The following NOP53 variants were observed in gnomAD, a reference collection of about 807,000 sequenced individuals.
NOP53 encodes the protein ribosome biogenesis protein NOP53.
A neutral mutation model predicts 61.0 loss-of-function variants in NOP53; 40 were observed. The observed-to-expected ratio is 0.66, with a 90% confidence interval of 0.51 to 0.85. The LOEUF is 0.85. NOP53 is among the 40% of genes least tolerant of loss of function. The probability of loss-of-function intolerance (pLI) is 0.00; values close to 1 mark genes in which losing one functional copy is unlikely to be tolerated. For missense variants in NOP53, 689 were observed against 652.9 expected, an observed-to-expected ratio of 1.06 and a Z score of -0.60; for synonymous variants, 308 against 289.5, an observed-to-expected ratio of 1.06 and a Z score of -0.65.
At chr19:47,752,770 G>C in intron 6 of NOP53, 163 bp downstream of exon 6, 1 of 583,192 alleles carries the variant, frequency 1.7e-6, no homozygotes, top group East Asian at 2.9e-5. Context: ...CCCAGACAGT[G>C]ATGGGCAGAG....
At position 47,751,451 on chromosome 19, in the gene NOP53, T is replaced by TG. The variant is rs1027837855; in HGVS notation, c.599-62dup. 8.3e-5 allele frequency: 101 copies of TG among 1,209,786 alleles called. 1 individual carries two copies. In the African/African-American group the frequency reaches 1.2e-3, roughly 14 times the overall value. The allele number at this position is 1,209,786 out of a possible 1,614,324, so 74.9% of individuals were successfully genotyped here. ...TCACCTTTTTGAAATGTGGAGGGATTGGGGGGGAGCCTTTGGTGCCTCTTC... is the reference window on the plus strand; with the variant it reads ...TCACCTTTTTGAAATGTGGAGGGATTGGGGGGGGAGCCTTTGGTGCCTCTTC... On this transcript the variant is annotated intron_variant, in intron 4 of 12. Transcript: ENST00000246802.
chr19:47,754,906 C>A lies in NOP53; in HGVS notation c.1053+15C>A. On this transcript the variant is annotated intron_variant, in intron 8 of 12. Coordinates refer to ENST00000246802, the MANE Select transcript of NOP53 (RefSeq NM_015710.5). The surrounding 1 kb of genome is among the most constrained non-coding windows in gnomAD (Gnocchi z 4.2). ...TGCACAGGCTGGTGAGCGCCTGGGC[C>A]AGCGGGGCCTGCCTCTGATGCCTCG... is the stretch of plus-strand genomic sequence containing the variant. 6.7e-7 allele frequency: 1 copy of A among 1,491,610 alleles called. No individual in the cohort carries two copies. The allele number at this position is 1,491,610 out of a possible 1,614,324, so 92.4% of individuals were successfully genotyped here.
chr19:47,755,934 G>T (rs1451395643), intron 10 of NOP53, 112 bp downstream of exon 10: 1 of 852,474 alleles, frequency 1.2e-6, no homozygotes, highest in East Asian at 2.6e-5. Context: ...GGCTGGGCCA[G>T]TGGGGCCAAT....
chr19:47,752,107 CA>C (rs111794129), intron 5 of NOP53, among the ~76,000 whole-genome samples: 36 of 142,620 alleles, frequency 2.5e-4, no homozygotes, highest in African/African-American at 2.4e-4. Context: ...AACTCTGTCT[CA>C]AAAAAAAAAA....
Position 47,745,782 on chromosome 19 carries a change from G to C in NOP53, c.223G>C (p.Gly75Arg). 4.6e-6 allele frequency: 7 copies of C among 1,536,180 alleles called. No homozygotes were observed. Among genetic ancestry groups the C allele is most frequent in the Non-Finnish European group, 6.1e-6 (7 of 1,142,798 alleles). The change falls in exon 1 of 13, where the codon GGT becomes CGT. Residue 75 changes from glycine (G) to arginine (R), a missense_variant and splice_region_variant. Transcript: ENST00000246802. ...CGTGCGGCTACAGGAGCGCACGAGC[G>C]GGTACGTTGGGCGGGACTTCCGGGA... ...EDVRLQERTS[G>R]GLLSEAPNEK...
intron 12 of NOP53, 112 bp from the exon 13 acceptor site, chr19:47,756,887 G>C: frequency 3.2e-6 from 5 of 1,539,062 alleles, no homozygotes; most frequent in South Asian, 1.1e-5. Flanking sequence ...CCTGAAACCA[G>C]AGCGGGGTTG....
Position 47,751,094 on chromosome 19 carries a change from C to A in NOP53, c.585C>A (p.Leu195=). Residue 195 remains leucine, a synonymous_variant, in exon 4 of 13, where the codon CTC becomes CTA. Transcript: ENST00000246802. ...QDTVERPFYD[L]WASDNPLDRP... ...CCGTAGAGCGGCCCTTCTACGACCT[C>A]TGGGCCTCAGACAGTGAGTGATCCT... 3 of 1,606,906 alleles carry A rather than the reference C, an allele frequency of 1.9e-6. No individual in the cohort carries two copies. Among genetic ancestry groups the A allele is most frequent in the Non-Finnish European group, 2.5e-6 (3 of 1,177,434 alleles).
chr19:47,756,463 G>T (rs1967200927), intron 10 of NOP53, 65 bp from the exon 11 acceptor site: 2 of 1,350,416 alleles, frequency 1.5e-6, no homozygotes, highest in African/African-American at 1.4e-5. Context: ...CCAGGACCCC[G>T]AGGAGAGGTC....
In NOP53 at chr19:47,750,700, T is replaced by C. The variant is rs566503559; in HGVS notation, c.399-208T>C. Among the ~76,000 whole-genome samples the C allele has an allele frequency of 2.6e-5, 4 of 152,182 alleles. No individual in the cohort carries two copies. In the South Asian group the frequency reaches 8.3e-4, roughly 32 times the overall value. ...GGTATGTCCAGGACGGGGCTGTTGCTTCGTTGAGTCTGGGGCTCAGAGGGG... is the reference window on the plus strand; with the variant it reads ...GGTATGTCCAGGACGGGGCTGTTGCCTCGTTGAGTCTGGGGCTCAGAGGGG... On this transcript the variant is annotated intron_variant, in intron 3 of 12. Coordinates refer to ENST00000246802, the MANE Select transcript of NOP53 (RefSeq NM_015710.5).
intron 10 of NOP53, chr19:47,756,075 G>A: frequency 1.8e-6 from 1 of 562,050 alleles, no homozygotes. Flanking sequence ...GTCACCTTTA[G>A]GACTAGAGGG....
intron 1 of NOP53, chr19:47,746,595 G>C (rs1967067579): frequency 5.9e-6 from 1 of 169,920 alleles, no homozygotes; most frequent in Admixed American, 6.3e-5. Context: ...TTGAACTCCT[G>C]ACCTTAGGTG....
At position 47,756,377 on chromosome 19, in the gene NOP53, C is replaced by T. The variant is rs550379426; in HGVS notation, c.1297-151C>T. On this transcript the variant is annotated intron_variant, in intron 10 of 12. Transcript: ENST00000246802. ...TGGCTGTCATCCCAACACTGAGCCC[C>T]AGCAGCTGAGGGCCAGGCTGAGTCC... 44 of 619,374 alleles carry T rather than the reference C, an allele frequency of 7.1e-5. No individual in the cohort carries two copies. In the South Asian group the frequency reaches 8.5e-4, roughly 12 times the overall value. The allele number at this position is 619,374 out of a possible 1,614,324, so 38.4% of individuals were successfully genotyped here.
chr19:47,749,655 A>G (rs1330468832), intron 2 of NOP53, among the ~76,000 whole-genome samples: 1 of 152,148 alleles, frequency 6.6e-6, no homozygotes, highest in African/African-American at 2.4e-5. Context: ...CCAGAGAACT[A>G]GAAGTTATGC....
At position 47,754,976 on chromosome 19, in the gene NOP53, C is replaced by T. The variant is rs897042226; in HGVS notation, c.1053+85C>T. On this transcript the variant is annotated intron_variant, in intron 8 of 12. Transcript: ENST00000246802. This position sits in a 1 kb window ranked among gnomAD's most constrained non-coding sequence, Gnocchi z 4.2. ...CCACCATGGGCTGCCCTGGGTGCTG[C>T]GGGCAGCCTGCACACCCCAAGCCCC... 73 of 1,270,570 alleles carry T rather than the reference C, an allele frequency of 5.7e-5. No homozygotes were observed. The highest frequency in any genetic ancestry group is 1.2e-4 in the South Asian group (8 of 64,082). 78.7% of individuals were successfully genotyped at this position (1,270,570 alleles called of 1,614,324 possible). A position where few individuals can be genotyped will look rare whatever the true frequency, so the allele number is the denominator to read the frequency against.
chr19:47,746,760 C>T (rs1171884792), intron 1 of NOP53: 4 of 466,834 alleles, frequency 8.6e-6, no homozygotes, highest in Non-Finnish European at 1.5e-5. Flanking sequence ...GCCTGGGCCT[C>T]CCAAAGTGCT....
chr19:47,746,132 A>G (rs1599911500), intron 1 of NOP53: 1 of 273,780 alleles, frequency 3.7e-6, no homozygotes, highest in Non-Finnish European at 7.0e-6. Flanking sequence ...GTGTGTGTAT[A>G]TATATGTGTA....
chr19:47,748,658 C>G (rs1967091292), intron 2 of NOP53, among the ~76,000 whole-genome samples: 1 of 152,054 alleles, frequency 6.6e-6, no homozygotes, highest in African/African-American at 2.4e-5. Context: ...CTTTGGGAGG[C>G]CGAGGTGGGG....
At position 47,754,631 on chromosome 19, in the gene NOP53, G is replaced by C. The variant is rs1402430946; in HGVS notation, c.870G>C (p.Gln290His). 1 of 1,548,862 alleles carries C rather than the reference G, an allele frequency of 6.5e-7. No individual in the cohort carries two copies. Among genetic ancestry groups the C allele is most frequent in the Non-Finnish European group, 8.7e-7 (1 of 1,147,036 alleles). ...ALPATEQAAT[Q>H]ESTFQELCEG... ...CCGCCACGGAGCAGGCCGCCACCCA[G>C]GTGAGCCCCGCACCTGCCCACTCCC... is the stretch of plus-strand genomic sequence containing the variant. Residue 290 changes from glutamine (Q) to histidine (H), a missense_variant and splice_region_variant, in exon 7 of 13, where the codon CAG (glutamine) becomes CAC (histidine). Physicochemically the swap from Gln to His is conservative, Grantham distance 24. Transcript: ENST00000246802. The surrounding 1 kb of genome is among the most constrained non-coding windows in gnomAD (Gnocchi z 4.2).
chr19:47,748,865 C>CG (rs1967093180), intron 2 of NOP53, among the ~76,000 whole-genome samples: 1 of 151,962 alleles, frequency 6.6e-6, no homozygotes. Flanking sequence ...GGCGACAGAG[C>CG]AAGACTCTGT....
Sources: gnomAD v4.1 joint callset for allele counts (sites outside exome capture counted in the v4.1 genomes callset) on GRCh38, gnomAD v4.1.1 for gene constraint, Gnocchi (gnomAD v3.1) non-coding constraint, MANE v1.5 for transcripts, NCBI Gene and HGNC (gene_info 2026-07-23, HGNC 2026-07-21) for gene names.